Variants in PHACTR1 observed in about 807,000 individuals in gnomAD.
PHACTR1 encodes the protein phosphatase and actin regulator 1.
In PHACTR1, 16 loss-of-function variants were observed where a neutral mutation model predicts 69.2. The observed-to-expected ratio is 0.23, with a 90% CI of 0.16 to 0.35. The LOEUF is 0.35. Ranked by LOEUF, PHACTR1 falls within the 10% of genes least tolerant of loss-of-function variation. The pLI, the probability that PHACTR1 is intolerant of heterozygous loss-of-function variation, is 1.00. For missense variants in PHACTR1, 510 were observed against 734.7 expected (o/e 0.69, Z 3.54); for synonymous variants, 312 against 284.5 (o/e 1.10, Z -0.97).
intron 8 of PHACTR1, among the ~76,000 whole-genome samples, chr6:13,208,815 T>TGG (rs1275083140): frequency 6.6e-6 from 1 of 152,158 alleles, no homozygotes; most frequent in Non-Finnish European, 1.5e-5. Flanking sequence ...ATAATATCTG[T>TGG]GGGTATTTGC....
At chr6:12,826,665 A>G (rs916373953) in intron 4 of PHACTR1, among the ~76,000 whole-genome samples, 2 of 152,234 alleles carry the variant, frequency 1.3e-5, no homozygotes, top group South Asian at 4.1e-4. Context: ...TTTAATAGTA[A>G]TAATAAAAAT....
At chr6:12,886,634 G>T (rs1458047631) in intron 4 of PHACTR1, among the ~76,000 whole-genome samples, 4 of 152,106 alleles carry the variant, frequency 2.6e-5, no homozygotes, top group African/African-American at 9.7e-5. Flanking sequence ...TGCATGGTTG[G>T]GGAAGAAAAG....
chr6:13,075,309 C>T (rs894480805), intron 5 of PHACTR1, among the ~76,000 whole-genome samples: 5 of 152,130 alleles, frequency 3.3e-5, no homozygotes, highest in Non-Finnish European at 5.9e-5. Flanking sequence ...GCCCCAAGGT[C>T]GCGTGGCTCT....
At chr6:12,861,645 C>T (rs1051970408) in intron 4 of PHACTR1, among the ~76,000 whole-genome samples, 1 of 152,156 alleles carries the variant, frequency 6.6e-6, no homozygotes, top group African/African-American at 2.4e-5. Flanking sequence ...TTAAGTAAGT[C>T]AGTTATGAAC....
chr6:13,260,876 C>G (rs907897651), intron 10 of PHACTR1, among the ~76,000 whole-genome samples: 2 of 152,172 alleles, frequency 1.3e-5, no homozygotes, highest in African/African-American at 2.4e-5. Context: ...ATTGAATCAT[C>G]GATGACCTTA....
At chr6:13,078,506 A>G (rs1810888497) in intron 5 of PHACTR1, among the ~76,000 whole-genome samples, 1 of 152,224 alleles carries the variant, frequency 6.6e-6, no homozygotes, top group African/African-American at 2.4e-5. Context: ...AGTTCTAACC[A>G]TAACAGCAGT....
chr6:12,955,619 T>A (rs1282263643), intron 4 of PHACTR1, among the ~76,000 whole-genome samples: 2 of 152,196 alleles, frequency 1.3e-5, no homozygotes, highest in Non-Finnish European at 2.9e-5. Context: ...TACTGATGAA[T>A]GTCTCACCAC....
At chr6:13,197,805 G>T (rs1193841755) in intron 7 of PHACTR1, among the ~76,000 whole-genome samples, 2 of 152,194 alleles carry the variant, frequency 1.3e-5, no homozygotes, top group Non-Finnish European at 2.9e-5. Context: ...TCCCAGAGCA[G>T]TGCTGGGATA....
At chr6:12,732,472 C>T (rs181053835) in intron 3 of PHACTR1, among the ~76,000 whole-genome samples, 593 of 152,206 alleles carry the variant, frequency 3.9e-3, no homozygotes, top group South Asian at 0.013. Context: ...AAGTTCCCTT[C>T]CCTCACCCCT....
intron 4 of PHACTR1, among the ~76,000 whole-genome samples, chr6:12,889,698 T>C (rs763525319): frequency 2.0e-5 from 3 of 152,094 alleles, no homozygotes; most frequent in Non-Finnish European, 4.4e-5. Flanking sequence ...GAAATTTGAT[T>C]AGAGCAAAAA....
chr6:13,015,316 C>G (rs1038276569), intron 4 of PHACTR1, among the ~76,000 whole-genome samples: 4 of 152,138 alleles, frequency 2.6e-5, no homozygotes, highest in African/African-American at 9.7e-5. Flanking sequence ...ACCAGGCATC[C>G]AAGAGGAAAA....
chr6:12,760,017 C>G (rs1015273598), intron 4 of PHACTR1, among the ~76,000 whole-genome samples: 5 of 152,160 alleles, frequency 3.3e-5, no homozygotes, highest in African/African-American at 1.2e-4. Context: ...TTCTAAAGAG[C>G]AAATAATTAA....
chr6:12,915,776 G>T (rs1239297427), intron 4 of PHACTR1, among the ~76,000 whole-genome samples: 1 of 152,058 alleles, frequency 6.6e-6, no homozygotes, highest in Non-Finnish European at 1.5e-5. Flanking sequence ...CTCTAGAATT[G>T]AACCCATCTG....
chr6:12,989,337 G>A (rs909013517), intron 4 of PHACTR1, among the ~76,000 whole-genome samples: 1 of 152,190 alleles, frequency 6.6e-6, no homozygotes, highest in African/African-American at 2.4e-5. Flanking sequence ...GAGAGGTGAG[G>A]CATGAAGAAA....
At chr6:12,877,678 G>A (rs1327729167) in intron 4 of PHACTR1, among the ~76,000 whole-genome samples, 1 of 152,058 alleles carries the variant, frequency 6.6e-6, no homozygotes, top group Non-Finnish European at 1.5e-5. Flanking sequence ...ACCTCTTCTT[G>A]GATGATCTTC....
intron 3 of PHACTR1, among the ~76,000 whole-genome samples, chr6:12,725,917 A>G (rs912786653): frequency 7.9e-5 from 12 of 152,198 alleles, no homozygotes; most frequent in African/African-American, 2.7e-4. Flanking sequence ...TTATGGGTAC[A>G]TAGTATAAAG....
chr6:13,166,665 G>T (rs890760091), intron 6 of PHACTR1, among the ~76,000 whole-genome samples: 7 of 152,216 alleles, frequency 4.6e-5, no homozygotes, highest in Admixed American at 1.3e-4. Context: ...TGTATACATG[G>T]ATGCCAAATG....
intron 4 of PHACTR1, among the ~76,000 whole-genome samples, chr6:12,856,222 T>C (rs1285159121): frequency 6.6e-6 from 1 of 151,246 alleles, no homozygotes; most frequent in Non-Finnish European, 1.5e-5. Context: ...CACCCTTTCT[T>C]TTTTTCTTTT....
intron 4 of PHACTR1, among the ~76,000 whole-genome samples, chr6:12,946,805 A>AT (rs11412388): frequency 0.098 from 8,359 of 85,260 alleles, 796 homozygotes; most frequent in Non-Finnish European, 0.12. Flanking sequence ...ATGGTGCTGG[A>AT]TTTTTTTTTT....
Sources: allele counts gnomAD v4.1 joint callset (sites outside exome capture counted in the v4.1 genomes callset), GRCh38; gene constraint gnomAD v4.1.1; transcripts MANE v1.5; gene names NCBI Gene and HGNC (gene_info 2026-07-23, HGNC 2026-07-21).